CD226: variants seen among roughly 807,000 people sequenced by gnomAD.
The protein encoded by CD226 is CD226 antigen.
Under a neutral mutation model 34.9 loss-of-function variants are expected in CD226, and 24 were observed. The observed-to-expected ratio is 0.69, with a 90% CI of 0.50 to 0.97. The LOEUF (loss-of-function observed/expected upper bound fraction) is 0.97. Ranked by LOEUF, CD226 falls within the 50% of genes least tolerant of loss-of-function variation. The pLI, the probability that CD226 is intolerant of heterozygous loss-of-function variation, is 0.00. For synonymous variants in CD226, 148 were observed against 147.4 expected (o/e 1.00, Z -0.03); for missense variants, 397 against 412.7 (o/e 0.96, Z 0.33).
upstream of CD226, among the ~76,000 whole-genome samples, chr18:69,958,027 G>A (rs1053831120): frequency 6.6e-5 from 10 of 152,188 alleles, no homozygotes; most frequent in South Asian, 6.2e-4. Context: ...GCCTTTGCAC[G>A]TGGAGTTTCC....
chr18:69,954,824 C>T (rs191176107), intron 1 of CD226, among the ~76,000 whole-genome samples: 13 of 152,184 alleles, frequency 8.5e-5, no homozygotes, highest in Admixed American at 3.9e-4. Flanking sequence ...CCAGCTGTTA[C>T]GACTTTGCTA....
intron 3 of CD226, among the ~76,000 whole-genome samples, chr18:69,890,311 T>A (rs1384600583): frequency 6.6e-6 from 1 of 152,104 alleles, no homozygotes; most frequent in African/African-American, 2.4e-5. Context: ...TACAAATAGA[T>A]GCAGGCCAGG....
chr18:69,857,184 T>C lies in CD226; in HGVS notation c.*7130A>G, dbSNP rs974635690. The C allele has an allele frequency of 1.3e-5, 2 of 152,132 alleles. No homozygotes were observed. Among genetic ancestry groups the C allele is most frequent in the Non-Finnish European group, 2.9e-5 (2 of 68,000 alleles). 9.4% of individuals were successfully genotyped at this position (152,132 alleles called of 1,614,324 possible). A position where few individuals can be genotyped will look rare whatever the true frequency, so the allele number is the denominator to read the frequency against. On this transcript the variant is annotated 3_prime_UTR_variant, in exon 6 of 6. Coordinates refer to ENST00000582621, the MANE Select transcript of CD226 (RefSeq NM_001303618.2). ...ACTCCGTCTCAAAAAAAGATAGCTATTCATTAGACATTGAAAGAATTATAA... is the reference window on the plus strand; with the variant it reads ...ACTCCGTCTCAAAAAAAGATAGCTACTCATTAGACATTGAAAGAATTATAA...
At chr18:69,937,849 A>T (rs1017364214) in intron 2 of CD226, among the ~76,000 whole-genome samples, 1 of 152,210 alleles carries the variant, frequency 6.6e-6, no homozygotes, top group Non-Finnish European at 1.5e-5. Context: ...CTTTCATCAT[A>T]GGATTCCTCA....
At chr18:69,932,502 T>C (rs536785694) in intron 2 of CD226, among the ~76,000 whole-genome samples, 26 of 152,298 alleles carry the variant, frequency 1.7e-4, no homozygotes, top group Middle Eastern at 3.4e-3. Context: ...AATTTCTTTA[T>C]CACCACTATC....
Position 69,859,972 on chromosome 18 carries a change from T to C in CD226, c.*4342A>G, listed in dbSNP as rs1298311377. On this transcript the variant is annotated 3_prime_UTR_variant, in exon 6 of 6. Coordinates refer to ENST00000582621, the MANE Select transcript of CD226 (RefSeq NM_001303618.2). Reference sequence around the variant, plus strand: ...CTGTAATCCCAGCTATTCAGGAGGCTGAGGCAGGAGAATCACTTGAATCCG... The same window carrying C: ...CTGTAATCCCAGCTATTCAGGAGGCCGAGGCAGGAGAATCACTTGAATCCG... 6.6e-6 allele frequency: 1 copy of C among 152,218 alleles called. No individual in the cohort carries two copies. The highest frequency in any genetic ancestry group is 6.5e-5 in the Admixed American group (1 of 15,280). The allele number at this position is 152,218 out of a possible 1,614,324, so 9.4% of individuals were successfully genotyped here.
At chr18:69,937,720 C>T (rs2055672606) in intron 2 of CD226, among the ~76,000 whole-genome samples, 1 of 152,158 alleles carries the variant, frequency 6.6e-6, no homozygotes, top group African/African-American at 2.4e-5. Context: ...AGATTTGAGA[C>T]ACTTCCCTCT....
At chr18:69,960,833 A>G (rs1335244700), upstream of CD226, among the ~76,000 whole-genome samples, 1 of 152,242 alleles carries the variant, frequency 6.6e-6, no homozygotes, top group African/African-American at 2.4e-5. Flanking sequence ...AAGAAAATTT[A>G]TGAGAAACTA....
chr18:69,958,826 CACAT>C (rs1442045654), upstream of CD226, among the ~76,000 whole-genome samples: 7 of 136,582 alleles, frequency 5.1e-5, no homozygotes, highest in Admixed American at 3.0e-4. Flanking sequence ...CACACACACA[CACAT>C]CCTTCTCCTT....
At chr18:69,877,271 C>G (rs1983934110) in intron 3 of CD226, among the ~76,000 whole-genome samples, 2 of 152,126 alleles carry the variant, frequency 1.3e-5, no homozygotes, top group African/African-American at 4.8e-5. Context: ...CAAGAAAACA[C>G]ATTTGTCAGT....
At chr18:69,958,248 T>C (rs1215851051), upstream of CD226, among the ~76,000 whole-genome samples, 2 of 152,194 alleles carry the variant, frequency 1.3e-5, no homozygotes, top group Non-Finnish European at 2.9e-5. Flanking sequence ...CTCTTATCCC[T>C]GCTCTATCAG....
At chr18:69,906,976 A>C (rs1291915613) in intron 2 of CD226, among the ~76,000 whole-genome samples, 2 of 152,170 alleles carry the variant, frequency 1.3e-5, no homozygotes, top group East Asian at 3.9e-4. Flanking sequence ...AGCACTGCCC[A>C]GGGTGGCTGG....
chr18:69,923,914 A>C (rs1421739652), intron 2 of CD226, among the ~76,000 whole-genome samples: 1 of 151,044 alleles, frequency 6.6e-6, no homozygotes, highest in African/African-American at 2.4e-5. Context: ...AGATCGCGCC[A>C]CTGCACTCCA....
At chr18:69,906,942 C>A (rs1482040143) in intron 2 of CD226, among the ~76,000 whole-genome samples, 1 of 152,162 alleles carries the variant, frequency 6.6e-6, no homozygotes, top group African/African-American at 2.4e-5. Context: ...CCCCTAACAG[C>A]CAGCACCTGC....
At chr18:69,958,788 AACACACACACACAC>A (rs59835947), upstream of CD226, among the ~76,000 whole-genome samples, 54 of 143,802 alleles carry the variant, frequency 3.8e-4, no homozygotes, top group Non-Finnish European at 5.8e-4. Context: ...TTCACAGGCA[AACACACACACACAC>A]ACACACACAC....
intron 3 of CD226, among the ~76,000 whole-genome samples, chr18:69,885,170 G>C (rs1796090566): frequency 6.6e-6 from 1 of 152,184 alleles, no homozygotes; most frequent in African/African-American, 2.4e-5. Context: ...ACAACCTGGT[G>C]TCTGCAGGTT....
At chr18:69,877,064 A>G (rs1197797675) in intron 3 of CD226, among the ~76,000 whole-genome samples, 2 of 151,846 alleles carry the variant, frequency 1.3e-5, no homozygotes, top group African/African-American at 2.4e-5. Context: ...GGGTTTCACC[A>G]TGTTAGTCAG....
At chr18:69,943,689 A>G (rs2055753823) in intron 2 of CD226, among the ~76,000 whole-genome samples, 1 of 152,154 alleles carries the variant, frequency 6.6e-6, no homozygotes, top group African/African-American at 2.4e-5. Context: ...TTGCAACTTT[A>G]TCTGCTGGGA....
Position 69,947,744 on chromosome 18 carries a change from C to CAA in CD226, c.-340_-339dup, listed in dbSNP as rs113034942. ...TGTAGGCAATGAGGATACAATAATA[C>CAA]AAAAAAAAAAAAATATTGCCATGAT... On this transcript the variant is annotated 5_prime_UTR_variant, in exon 1 of 6. An upstream open reading frame in the 5' UTR gains an earlier in-frame stop. Transcript: ENST00000582621. 13 of 148,394 alleles carry CAA rather than the reference C, an allele frequency of 8.8e-5. No individual in the cohort carries two copies. Among genetic ancestry groups the CAA allele is most frequent in the African/African-American group, 1.1e-4 (4 of 36,406 alleles). The allele number at this position is 148,394 out of a possible 1,614,324, so 9.2% of individuals were successfully genotyped here.
Sources: gnomAD v4.1 joint callset for allele counts (sites outside exome capture counted in the v4.1 genomes callset) on GRCh38, gnomAD v4.1.1 for gene constraint, MANE v1.5 for transcripts, NCBI Gene and HGNC (gene_info 2026-07-23, HGNC 2026-07-21) for gene names.